Variants in CNTN5 observed in about 807,000 individuals in gnomAD.
CNTN5 encodes the protein contactin 5.
In CNTN5, 77 loss-of-function variants were observed where a neutral mutation model predicts 129.1. That is an observed-to-expected ratio of 0.60 (90% CI 0.50 to 0.72). CNTN5 has a LOEUF of 0.72. Among genes scored for constraint, CNTN5 ranks in the 30% least tolerant of loss-of-function variants. The pLI, the probability that CNTN5 is intolerant of heterozygous loss-of-function variation, is 0.00. For synonymous variants in CNTN5, 509 were observed against 465.6 expected (o/e 1.09, Z -1.20); for missense variants, 1,478 against 1,328.8 (o/e 1.11, Z -1.75).
chr11:100,193,738 G>A, intron 15 of CNTN5, 75 bp downstream of exon 15: 1 of 1,246,966 alleles, frequency 8.0e-7, no homozygotes, highest in Non-Finnish European at 1.1e-6. Context: ...ACCTTGCTTA[G>A]CTATGAAGTG....
At chr11:100,310,532 C>G (rs1013766461) in intron 21 of CNTN5, among the ~76,000 whole-genome samples, 10 of 151,982 alleles carry the variant, frequency 6.6e-5, no homozygotes, top group African/African-American at 2.4e-4. Flanking sequence ...ATGCCAGGAA[C>G]AAACCAATGA....
intron 1 of CNTN5, among the ~76,000 whole-genome samples, chr11:99,206,424 T>C (rs1323408146): frequency 1.3e-5 from 2 of 152,094 alleles, no homozygotes; most frequent in Admixed American, 1.3e-4. Context: ...AAAAATCGGC[T>C]GCTTTATTTT....
rs1942986177 is a variant in CNTN5 at position 100,052,098 on chromosome 11, A to C, written c.981-9114A>C. Among the ~76,000 whole-genome samples the C allele has an allele frequency of 1.3e-5, 2 of 151,922 alleles. 1 individual carries two copies. The highest frequency in any genetic ancestry group is 2.9e-5 in the Non-Finnish European group (2 of 67,826). ...TTAACTATTAAAAAGCAATTTATAT[A>C]ATTAGTCACATGAATGGGATAAAAG... is the stretch of plus-strand genomic sequence containing the variant. On this transcript the variant is annotated intron_variant, in intron 9 of 24. Transcript: ENST00000524871.
intron 13 of CNTN5, among the ~76,000 whole-genome samples, chr11:100,086,386 A>G (rs1274342562): frequency 1.3e-5 from 2 of 151,036 alleles, no homozygotes; most frequent in Non-Finnish European, 3.0e-5. Flanking sequence ...AAACAATAAA[A>G]AAAAAGAAAA....
intron 1 of CNTN5, among the ~76,000 whole-genome samples, chr11:99,247,163 G>T (rs980810319): frequency 9.9e-5 from 15 of 152,090 alleles, no homozygotes; most frequent in African/African-American, 3.6e-4. Flanking sequence ...GGAGTTATTA[G>T]CATTGACTAT....
At chr11:99,455,063 G>A (rs1165352763) in intron 2 of CNTN5, among the ~76,000 whole-genome samples, 1 of 152,068 alleles carries the variant, frequency 6.6e-6, no homozygotes, top group Non-Finnish European at 1.5e-5. Context: ...CCTCAAGGTA[G>A]GCCAGTAACC....
At chr11:99,277,151 G>C (rs934778910) in intron 1 of CNTN5, among the ~76,000 whole-genome samples, 1 of 151,596 alleles carries the variant, frequency 6.6e-6, no homozygotes, top group Admixed American at 6.6e-5. Flanking sequence ...GGTGCTGAGG[G>C]AGTTGATTTG....
intron 13 of CNTN5, among the ~76,000 whole-genome samples, chr11:100,123,563 T>G (rs1017251182): frequency 1.3e-5 from 2 of 152,012 alleles, no homozygotes; most frequent in African/African-American, 4.8e-5. Flanking sequence ...TTCCCTAAAT[T>G]TTTTATTGAA....
intron 3 of CNTN5, among the ~76,000 whole-genome samples, chr11:99,727,524 T>G (rs1943393029): frequency 6.6e-6 from 1 of 151,942 alleles, no homozygotes; most frequent in Non-Finnish European, 1.5e-5. Flanking sequence ...AATTGTTTCA[T>G]AGTTGTAAGC....
chr11:100,272,950 G>A (rs1591460841), intron 18 of CNTN5, among the ~76,000 whole-genome samples: 3 of 152,160 alleles, frequency 2.0e-5, no homozygotes, highest in Admixed American at 2.0e-4. Context: ...AGCATCTGTA[G>A]TGAAGCATGG....
At chr11:99,720,503 C>T (rs979853383) in intron 3 of CNTN5, among the ~76,000 whole-genome samples, 7 of 151,976 alleles carry the variant, frequency 4.6e-5, no homozygotes, top group East Asian at 1.9e-4. Flanking sequence ...ATTGAAAGAA[C>T]GTAACTCAAA....
chr11:99,168,594 C>CAAAAGAAAAG (rs1555067247), intron 1 of CNTN5, among the ~76,000 whole-genome samples: 1 of 151,684 alleles, frequency 6.6e-6, no homozygotes, highest in Non-Finnish European at 1.5e-5. Context: ...CAAAACAAAA[C>CAAAAGAAAAG]AAAACAAAAG....
At chr11:99,946,077 C>A (rs1253976395) in intron 7 of CNTN5, among the ~76,000 whole-genome samples, 1 of 152,048 alleles carries the variant, frequency 6.6e-6, no homozygotes, top group Non-Finnish European at 1.5e-5. Context: ...TGATCCCCAC[C>A]AATCAGTATC....
chr11:99,719,382 T>A (rs1943091573), intron 3 of CNTN5, among the ~76,000 whole-genome samples: 1 of 152,070 alleles, frequency 6.6e-6, no homozygotes, highest in Non-Finnish European at 1.5e-5. Flanking sequence ...CACTCTTTCC[T>A]TAGGAGCTTA....
intron 2 of CNTN5, among the ~76,000 whole-genome samples, chr11:99,423,196 A>T (rs1339564392): frequency 6.6e-6 from 1 of 152,162 alleles, no homozygotes; most frequent in Non-Finnish European, 1.5e-5. Context: ...ACTTCATTTT[A>T]ACTTTACCTG....
chr11:99,270,382 A>C (rs1863117315), intron 1 of CNTN5, among the ~76,000 whole-genome samples: 1 of 151,900 alleles, frequency 6.6e-6, no homozygotes, highest in African/African-American at 2.4e-5. Flanking sequence ...ATAATTCTAA[A>C]AATTCATGAA....
At chr11:99,575,377 C>T (rs899294233) in intron 3 of CNTN5, among the ~76,000 whole-genome samples, 3 of 152,118 alleles carry the variant, frequency 2.0e-5, no homozygotes, top group Admixed American at 2.0e-4. Flanking sequence ...ATTTTCTTTA[C>T]CTCGGAATAG....
At chr11:99,998,749 C>T (rs1227741415) in intron 8 of CNTN5, among the ~76,000 whole-genome samples, 4 of 147,136 alleles carry the variant, frequency 2.7e-5, no homozygotes, top group Non-Finnish European at 6.0e-5. Flanking sequence ...TACCTGACTT[C>T]AAAATATACT....
intron 20 of CNTN5, among the ~76,000 whole-genome samples, chr11:100,301,366 A>T (rs950269622): frequency 6.6e-6 from 1 of 151,448 alleles, no homozygotes; most frequent in African/African-American, 2.4e-5. Context: ...GTTTTTTTAC[A>T]TTGTGTTTTC....
Sources: gnomAD v4.1 joint callset for allele counts (sites outside exome capture counted in the v4.1 genomes callset) on GRCh38, gnomAD v4.1.1 for gene constraint, MANE v1.5 for transcripts, NCBI Gene and HGNC (gene_info 2026-07-23, HGNC 2026-07-21) for gene names.